Variants in LCK observed in about 807,000 individuals in gnomAD.
LCK encodes tyrosine-protein kinase Lck.
LCK carries 14 observed loss-of-function variants against 64.6 expected under a neutral mutation model. That is an observed-to-expected ratio of 0.22 (90% CI 0.14 to 0.34). LCK has a LOEUF of 0.34. Ranked by LOEUF, LCK falls within the 10% of genes least tolerant of loss-of-function variation. The pLI, the probability that LCK is intolerant of heterozygous loss-of-function variation, is 1.00. For missense variants in LCK, 434 were observed against 668.1 expected (o/e 0.65, Z 3.86); for synonymous variants, 277 against 263.6 (o/e 1.05, Z -0.49).
intron 1 of LCK, among the ~76,000 whole-genome samples, chr1:32,263,481 C>T: frequency 6.6e-6 from 1 of 151,482 alleles, no homozygotes; most frequent in African/African-American, 2.4e-5. Context: ...CCATGCCTGC[C>T]ATCCCAACAC....
chr1:32,251,648 G>A lies in LCK; in HGVS notation c.-6+277G>A, dbSNP rs1639508599. On this transcript the variant is annotated intron_variant, in intron 1 of 12. Coordinates refer to ENST00000336890, the MANE Select transcript of LCK (RefSeq NM_005356.5). This position sits in a 1 kb window ranked among gnomAD's most constrained non-coding sequence, Gnocchi z 4.0. Reference sequence around the variant, plus strand: ...ACACCAGGCACATGGACAGTCAGGTGTTAAAAAGGCTTCCAGAAACCACCA... The same window carrying A: ...ACACCAGGCACATGGACAGTCAGGTATTAAAAAGGCTTCCAGAAACCACCA... Among the ~76,000 whole-genome samples, 1 of 152,192 alleles carries A rather than the reference G, an allele frequency of 6.6e-6. No homozygotes were observed.
At chr1:32,258,329 G>T (rs749227358) in intron 1 of LCK, among the ~76,000 whole-genome samples, 2 of 151,344 alleles carry the variant, frequency 1.3e-5, no homozygotes, top group Non-Finnish European at 2.9e-5. Context: ...AAAGCCAGGT[G>T]CAGTGGCTCC....
chr1:32,264,242 G>T (rs754399683), intron 1 of LCK, among the ~76,000 whole-genome samples: 9 of 152,046 alleles, frequency 5.9e-5, no homozygotes, highest in South Asian at 2.1e-4. Flanking sequence ...TCAAATTTTT[G>T]ATGGGAAATG....
chr1:32,273,152 T>A (rs1382473570), intron 1 of LCK, among the ~76,000 whole-genome samples: 2 of 49,092 alleles, frequency 4.1e-5, no homozygotes, highest in South Asian at 8.5e-4. Context: ...GTGTGGGGGG[T>A]GAGTGTGTGT....
chr1:32,257,973 C>T (rs1015132855), intron 1 of LCK, among the ~76,000 whole-genome samples: 1 of 151,630 alleles, frequency 6.6e-6, no homozygotes, highest in Non-Finnish European at 1.5e-5. Context: ...TGTCGAGAGG[C>T]TACAGAGTTC....
intron 1 of LCK, among the ~76,000 whole-genome samples, chr1:32,272,838 G>T (rs1329310039): frequency 6.7e-6 from 1 of 149,392 alleles, no homozygotes; most frequent in Non-Finnish European, 1.5e-5. Flanking sequence ...GGGTATCTAT[G>T]GAGGGGATGC....
chr1:32,271,194 G>A (rs984072490), intron 1 of LCK, among the ~76,000 whole-genome samples: 1 of 151,356 alleles, frequency 6.6e-6, no homozygotes, highest in African/African-American at 2.4e-5. Context: ...CTAGAGATGA[G>A]GTCTCACTAT....
At position 32,276,668 on chromosome 1, in the gene LCK, G is replaced by C; in HGVS notation, c.846G>C (p.Pro282=). The C allele has an allele frequency of 1.9e-6, 3 of 1,614,062 alleles. No homozygotes were observed. Among genetic ancestry groups the C allele is most frequent in the South Asian group, 2.2e-5 (2 of 91,062 alleles). Reference sequence around the variant, plus strand: ...GCCTGAAGCAGGGCAGCATGTCCCCGGACGCCTTCCTGGCCGAGGCCAACC... The same window carrying C: ...GCCTGAAGCAGGGCAGCATGTCCCCCGACGCCTTCCTGGCCGAGGCCAACC... ...VKSLKQGSMS[P]DAFLAEANLM... The change falls in exon 9 of 13, where the codon CCG becomes CCC. Residue 282 remains proline, a synonymous_variant. Transcript: ENST00000336890. This position sits in a 1 kb window ranked among gnomAD's most constrained non-coding sequence, Gnocchi z 4.6.
Position 32,275,410 on chromosome 1 carries a change from A to G in LCK, c.368A>G (p.Glu123Gly), listed in dbSNP as rs1640229445. 6.2e-7 allele frequency: 1 copy of G among 1,613,912 alleles called. No homozygotes were observed. The highest frequency in any genetic ancestry group is 1.3e-5 in the African/African-American group (1 of 74,876). ...TTTGTGGCCAAAGCGAACAGCCTGG[A>G]GCCCGAACCGTAAGTGGGGACCCGT... ...FNFVAKANSL[E>G]PEPWFFKNLS... Residue 123 changes from glutamate to glycine, a missense_variant, in exon 5 of 13, where the codon GAG becomes GGG. Glu to Gly is a moderately conservative substitution (Grantham distance 98, BLOSUM62 -2). Coordinates refer to ENST00000336890, the MANE Select transcript of LCK (RefSeq NM_005356.5). This position sits in a 1 kb window ranked among gnomAD's most constrained non-coding sequence, Gnocchi z 6.9.
intron 1 of LCK, among the ~76,000 whole-genome samples, chr1:32,272,572 CAA>C (rs1491473393): frequency 2.4e-4 from 12 of 49,250 alleles, no homozygotes; most frequent in South Asian, 6.8e-4. Context: ...GACCCTGTCT[CAA>C]GAGAGAGAGA....
At chr1:32,262,317 A>G (rs1031000474) in intron 1 of LCK, among the ~76,000 whole-genome samples, 5 of 146,736 alleles carry the variant, frequency 3.4e-5, no homozygotes, top group East Asian at 4.7e-4. Context: ...CCTGGCCAAC[A>G]TGGTGAAACC....
intron 1 of LCK, among the ~76,000 whole-genome samples, chr1:32,259,394 C>T (rs892353848): frequency 2.0e-5 from 3 of 151,554 alleles, no homozygotes; most frequent in African/African-American, 7.3e-5. Flanking sequence ...CCAATGCAGG[C>T]AGATCACTTG....
At chr1:32,280,596 C>T (rs1390163120) in intron 12 of LCK, among the ~76,000 whole-genome samples, 3 of 151,828 alleles carry the variant, frequency 2.0e-5, no homozygotes, top group Admixed American at 6.6e-5. Context: ...GCTAGGATTA[C>T]AGGTACGTGC....
intron 1 of LCK, among the ~76,000 whole-genome samples, chr1:32,257,363 C>T (rs1419306587): frequency 6.6e-6 from 1 of 151,920 alleles, no homozygotes; most frequent in African/African-American, 2.4e-5. Flanking sequence ...GATCCTCTCA[C>T]CTCAGCCTCC....
rs755284744 is a variant in LCK at position 32,274,381 on chromosome 1, G to A, written c.52G>A (p.Asp18Asn). The change falls in exon 2 of 13, where the codon GAT becomes AAT. Residue 18 changes from aspartate to asparagine, a missense_variant. By Grantham distance (23) the Asp-to-Asn change is conservative. Transcript: ENST00000336890. ...HPEDDWMENI[D>N]VCENCHYPIV... is the part of the protein sequence containing the mutation. Reference sequence around the variant, plus strand: ...GGAAGATGACTGGATGGAAAACATCGATGTGTGTGAGAACTGCCATTATCC... The same window carrying A: ...GGAAGATGACTGGATGGAAAACATCAATGTGTGTGAGAACTGCCATTATCC... 6 of 1,614,002 alleles carry A rather than the reference G, an allele frequency of 3.7e-6. No homozygotes were observed. In the African/African-American group the frequency reaches 5.3e-5, roughly 14 times the overall value.
rs1640248920 is a variant in LCK at position 32,275,813 on chromosome 1, C to G, written c.482-101C>G. The G allele has an allele frequency of 6.8e-7, 1 of 1,470,828 alleles. No individual in the cohort carries two copies. The highest frequency in any genetic ancestry group is 9.2e-7 in the Non-Finnish European group (1 of 1,084,318). 91.1% of individuals were successfully genotyped at this position (1,470,828 alleles called of 1,614,324 possible). ...AGCCCGAGGTGGGGGCGCGGGATGA[C>G]CCGGAGTTGGGGGTGCTGGGTGAGC... On this transcript the variant is annotated intron_variant, in intron 6 of 12. Transcript: ENST00000336890. This position sits in a 1 kb window ranked among gnomAD's most constrained non-coding sequence, Gnocchi z 6.9.
chr1:32,271,295 G>A (rs1195087783), intron 1 of LCK, among the ~76,000 whole-genome samples: 1 of 152,056 alleles, frequency 6.6e-6, no homozygotes, highest in Non-Finnish European at 1.5e-5. Flanking sequence ...GAGCCACCAC[G>A]CCCGGCCAGC....
intron 1 of LCK, among the ~76,000 whole-genome samples, chr1:32,258,438 C>T (rs1639680675): frequency 6.7e-6 from 1 of 149,360 alleles, no homozygotes; most frequent in Admixed American, 6.7e-5. Flanking sequence ...CTGTACTACT[C>T]CAGCCTGGGT....
chr1:32,283,238 G>T (rs1400769201), intron 12 of LCK, among the ~76,000 whole-genome samples: 1 of 146,410 alleles, frequency 6.8e-6, no homozygotes, highest in African/African-American at 2.6e-5. Context: ...GCAGTGAGCC[G>T]AGACTGTACC....
Sources: gnomAD v4.1 joint callset for allele counts (sites outside exome capture counted in the v4.1 genomes callset) on GRCh38, gnomAD v4.1.1 for gene constraint, Gnocchi (gnomAD v3.1) non-coding constraint, MANE v1.5 for transcripts, NCBI Gene and HGNC (gene_info 2026-07-23, HGNC 2026-07-21) for gene names.